Variants in RNF130 observed in about 807,000 individuals in gnomAD.
The protein encoded by RNF130 is E3 ubiquitin-protein ligase RNF130.
In RNF130, 21 loss-of-function variants were observed where a neutral mutation model predicts 44.6. The observed-to-expected ratio is 0.47, with a 90% confidence interval of 0.33 to 0.68. RNF130 has a LOEUF of 0.68. RNF130 is among the 30% of genes least tolerant of loss of function. The pLI, the probability that RNF130 is intolerant of heterozygous loss-of-function variation, is 0.02. For synonymous variants in RNF130, 214 were observed against 210.4 expected, an observed-to-expected ratio of 1.02 and a Z score of -0.15; for missense variants, 479 against 560.6, an observed-to-expected ratio of 0.85 and a Z score of 1.47.
At chr5:180,005,006 T>C (rs2113067578) in intron 3 of RNF130, among the ~76,000 whole-genome samples, 1 of 152,298 alleles carries the variant, frequency 6.6e-6, no homozygotes, top group East Asian at 1.9e-4. Context: ...ATCACTCCTC[T>C]CCTCTCTACA....
chr5:180,020,513 C>T (rs971538705), intron 2 of RNF130, among the ~76,000 whole-genome samples: 1 of 152,054 alleles, frequency 6.6e-6, no homozygotes, highest in Non-Finnish European at 1.5e-5. Flanking sequence ...GCTGGGAAGC[C>T]GAATGTGTAA....
intron 7 of RNF130, among the ~76,000 whole-genome samples, chr5:179,934,549 T>C (rs1161975876): frequency 2.0e-5 from 3 of 150,356 alleles, no homozygotes; most frequent in Non-Finnish European, 4.4e-5. Flanking sequence ...CCTTTTTTTT[T>C]TTTTTTTTGG....
intron 3 of RNF130, among the ~76,000 whole-genome samples, chr5:179,985,153 CTTTTTTTTTT>C (rs34998254): frequency 1.3e-3 from 123 of 91,982 alleles, no homozygotes; most frequent in African/African-American, 5.2e-3. Context: ...TACCCCCTAA[CTTTTTTTTTT>C]TTTTTTTTTT....
intron 8 of RNF130, among the ~76,000 whole-genome samples, chr5:179,958,661 G>A (rs899414429): frequency 7.2e-5 from 11 of 152,086 alleles, no homozygotes; most frequent in Admixed American, 7.2e-4. Context: ...TGTTTTGGAC[G>A]GACAATTTTA....
intron 5 of RNF130, among the ~76,000 whole-genome samples, chr5:179,975,465 T>C (rs1762697896): frequency 1.3e-5 from 2 of 152,312 alleles, no homozygotes; most frequent in East Asian, 1.9e-4. Flanking sequence ...GGCTGAGAAA[T>C]GCTGCTCTAG....
chr5:180,048,654 A>C (rs1461445560), intron 1 of RNF130, among the ~76,000 whole-genome samples: 1 of 152,196 alleles, frequency 6.6e-6, no homozygotes, highest in East Asian at 1.9e-4. Flanking sequence ...GGGAAGAGGG[A>C]ATTTATCCTG....
intron 7 of RNF130, among the ~76,000 whole-genome samples, chr5:179,935,720 T>G (rs1247890950): frequency 6.6e-6 from 1 of 152,156 alleles, no homozygotes; most frequent in Non-Finnish European, 1.5e-5. Context: ...TCTCTATTAG[T>G]GTATTATATT....
chr5:179,991,982 CT>C (rs1369639478), intron 3 of RNF130, among the ~76,000 whole-genome samples: 2 of 152,064 alleles, frequency 1.3e-5, no homozygotes, highest in Non-Finnish European at 1.5e-5. Flanking sequence ...AATGCCACCC[CT>C]GATCTGAGAG....
chr5:180,042,017 T>G (rs774755559), intron 1 of RNF130, among the ~76,000 whole-genome samples: 7 of 152,156 alleles, frequency 4.6e-5, no homozygotes, highest in Non-Finnish European at 1.0e-4. Flanking sequence ...AACTCCAGCC[T>G]GGGTGATAGA....
chr5:179,956,769 C>T (rs753334445), intron 8 of RNF130, among the ~76,000 whole-genome samples: 50 of 152,240 alleles, frequency 3.3e-4, no homozygotes, highest in Non-Finnish European at 6.0e-4. Flanking sequence ...TACTCCCTCA[C>T]TCTCCAGCCA....
chr5:179,994,939 T>A (rs1177818622), intron 3 of RNF130, among the ~76,000 whole-genome samples: 2 of 152,090 alleles, frequency 1.3e-5, no homozygotes, highest in African/African-American at 4.8e-5. Flanking sequence ...CTCAGTGGTT[T>A]GGGTCTTACA....
intron 7 of RNF130, among the ~76,000 whole-genome samples, chr5:179,920,797 T>TATATA (rs754416676): frequency 9.0e-5 from 10 of 110,668 alleles, no homozygotes; most frequent in African/African-American, 2.3e-4. Flanking sequence ...ATATATATAT[T>TATATA]TTTTTTTTTG....
At position 179,912,737 on chromosome 5, in the gene RNF130, C is replaced by T. The variant is rs1582116348; in HGVS notation, c.*7580G>A. ...TATATTCTACCTAACCACCTCACCCCACCGTTTCTTTACAAACATCTTGGT... is the reference window on the plus strand; with the variant it reads ...TATATTCTACCTAACCACCTCACCCTACCGTTTCTTTACAAACATCTTGGT... On this transcript the variant is annotated 3_prime_UTR_variant, in exon 8 of 8. Coordinates refer to the RNF130 transcript ENST00000522208. The T allele has an allele frequency of 3.3e-5, 5 of 152,388 alleles. 1 individual carries two copies. Among genetic ancestry groups the T allele is most frequent in the Admixed American group, 3.3e-4 (5 of 15,306 alleles). 9.4% of individuals were successfully genotyped at this position (152,388 alleles called of 1,614,324 possible).
At chr5:180,024,381 G>C (rs989308108) in intron 2 of RNF130, among the ~76,000 whole-genome samples, 1 of 152,054 alleles carries the variant, frequency 6.6e-6, no homozygotes, top group Non-Finnish European at 1.5e-5. Flanking sequence ...CTGGGTGCAG[G>C]GTTTGCAGAC....
intron 2 of RNF130, among the ~76,000 whole-genome samples, chr5:180,019,901 T>G (rs925732217): frequency 3.3e-5 from 5 of 152,138 alleles, no homozygotes; most frequent in Non-Finnish European, 7.4e-5. Flanking sequence ...CACGGAACGG[T>G]GAACACTCTC....
chr5:180,001,652 C>T (rs1466191979), intron 3 of RNF130, among the ~76,000 whole-genome samples: 1 of 152,144 alleles, frequency 6.6e-6, no homozygotes, highest in Non-Finnish European at 1.5e-5. Context: ...AAGCACCATA[C>T]AGTATTGACT....
At chr5:179,996,914 C>T (rs1763212392) in intron 3 of RNF130, among the ~76,000 whole-genome samples, 1 of 152,124 alleles carries the variant, frequency 6.6e-6, no homozygotes, top group Non-Finnish European at 1.5e-5. Context: ...AAATGTTTGG[C>T]AGAATTCTGC....
chr5:179,920,862 T>C (rs1761621481), intron 7 of RNF130, among the ~76,000 whole-genome samples: 1 of 151,346 alleles, frequency 6.6e-6, no homozygotes, highest in Admixed American at 6.6e-5. Flanking sequence ...TGATCTTGGC[T>C]CACTGCAACC....
chr5:180,070,168 C>G (rs1164570827), intron 1 of RNF130, among the ~76,000 whole-genome samples: 1 of 152,240 alleles, frequency 6.6e-6, no homozygotes, highest in Non-Finnish European at 1.5e-5. Context: ...CAACACTGTG[C>G]ATCTCAACCA....
Sources: gnomAD v4.1 joint callset for allele counts (sites outside exome capture counted in the v4.1 genomes callset) on GRCh38, gnomAD v4.1.1 for gene constraint, MANE v1.5 for transcripts, NCBI Gene and HGNC (gene_info 2026-07-23, HGNC 2026-07-21) for gene names.